Variants in FMO5 observed in about 807,000 individuals in gnomAD.
The protein encoded by FMO5 is flavin containing dimethylaniline monoxygenase 5, also known as flavin-containing monooxygenase 5.
In FMO5, 51 loss-of-function variants were observed where a neutral mutation model predicts 43.6. That is an observed-to-expected ratio of 1.17 (90% CI 0.93 to 1.48). FMO5 has a LOEUF of 1.48. Ranked by LOEUF, FMO5 falls within the 40% of genes most tolerant of loss-of-function variation. The probability of loss-of-function intolerance (pLI) is 0.00; values close to 1 mark genes in which losing one functional copy is unlikely to be tolerated. For synonymous variants in FMO5, 187 were observed against 216.5 expected, an observed-to-expected ratio of 0.86 and a Z score of 1.20; for missense variants, 644 against 643.0, an observed-to-expected ratio of 1.00 and a Z score of -0.02.
intron 7 of FMO5, 61 bp from the exon 8 acceptor site, chr1:147,190,310 A>G: frequency 9.6e-7 from 1 of 1,036,954 alleles, no homozygotes; most frequent in Non-Finnish European, 1.5e-6. Flanking sequence ...ATAATCCTAT[A>G]AACAATTACT....
chr1:147,187,659 G>C (rs1189776172), intron 8 of FMO5, among the ~76,000 whole-genome samples: 1 of 152,160 alleles, frequency 6.6e-6, no homozygotes, highest in Non-Finnish European at 1.5e-5. Context: ...TATTTGATGA[G>C]GGCAGTGGTG....
At chr1:147,204,690 A>C in intron 6 of FMO5, 3 of 1,561,982 alleles carry the variant, frequency 1.9e-6, no homozygotes, top group Non-Finnish European at 1.8e-6. Flanking sequence ...TTTTTGCAGC[A>C]GGATGCTGTA....
chr1:147,224,831 A>G lies in FMO5; in HGVS notation c.135+64T>C, dbSNP rs1663737209. On this transcript the variant is annotated intron_variant, in intron 2 of 8. Transcript: ENST00000254090. ...CGGCCACCTGACACTGTTAAGATAA[A>G]CTGTCGTATGCACCTAGTTGCAGGG... is the stretch of plus-strand genomic sequence containing the variant. 7.9e-6 allele frequency: 12 copies of G among 1,522,432 alleles called. 2 individuals carry two copies. In the South Asian group the frequency reaches 1.3e-4, roughly 17 times the overall value. The allele number at this position is 1,522,432 out of a possible 1,614,324, so 94.3% of individuals were successfully genotyped here. A position where few individuals can be genotyped will look rare whatever the true frequency, so the allele number is the denominator to read the frequency against.
intron 7 of FMO5, 32 bp from the exon 8 acceptor site, chr1:147,190,281 A>G (rs1656454866): frequency 2.3e-6 from 3 of 1,299,012 alleles, no homozygotes; most frequent in Non-Finnish European, 3.3e-6. Context: ...TTAACTGTAA[A>G]ATTACCTCAG....
At chr1:147,225,146 TA>T in intron 1 of FMO5, 80 bp from the exon 2 acceptor site, 1 of 1,561,502 alleles carries the variant, frequency 6.4e-7, no homozygotes, top group Non-Finnish European at 8.6e-7. Flanking sequence ...GGCATTCGAA[TA>T]AATTCTGTAC....
intron 7 of FMO5, among the ~76,000 whole-genome samples, chr1:147,195,528 C>T (rs1657837312): frequency 6.6e-6 from 1 of 152,012 alleles, no homozygotes; most frequent in African/African-American, 2.4e-5. Context: ...GGGTTAAGGC[C>T]AAGGGGAACT....
At position 147,213,355 on chromosome 1, in the gene FMO5, C is replaced by T. The variant is rs901100743; in HGVS notation, c.440G>A (p.Cys147Tyr). Residue 147 changes from cysteine to tyrosine, a missense_variant, in exon 4 of 9, where the codon TGC becomes TAC. Cys to Tyr is a radical substitution (Grantham distance 194). Coordinates refer to ENST00000254090, the MANE Select transcript of FMO5 (RefSeq NM_001461.4). ...EMNVFDGVMV[C>Y]TGHHTNAHLP... is the part of the protein sequence containing the mutation. ...ATGAGCATTGGTGTGATGGCCAGTG[C>T]AAACCATGACTCCATCAAAGACATT... 3.1e-6 allele frequency: 5 copies of T among 1,613,270 alleles called. No individual in the cohort carries two copies. The African/African-American group carries it at 5.3e-5, about 17-fold the overall frequency.
chr1:147,204,772 T>G (rs889102504), intron 6 of FMO5: 22 of 1,573,360 alleles, frequency 1.4e-5, no homozygotes, highest in Non-Finnish European at 1.8e-5. Context: ...GATAACCATT[T>G]TTTTCATTCC....
chr1:147,204,289 G>C (rs1311066670), intron 6 of FMO5: 1 of 977,848 alleles, frequency 1.0e-6, no homozygotes, highest in Non-Finnish European at 1.7e-6. Context: ...CAATACTGAA[G>C]AGGAAGTGAT....
Position 147,209,235 on chromosome 1 carries a change from C to T in FMO5, c.631-184G>A, listed in dbSNP as rs587643122. Among the ~76,000 whole-genome samples, 15 of 152,160 alleles carry T rather than the reference C, an allele frequency of 9.9e-5. No individual in the cohort carries two copies. The East Asian group carries it at 2.7e-3, about 28-fold the overall frequency. Reference sequence around the variant, plus strand: ...GAGATCGAGACCATCCTGGCTAACACAGTGAAACCCCGTCTCTACTGAAAA... The same window carrying T: ...GAGATCGAGACCATCCTGGCTAACATAGTGAAACCCCGTCTCTACTGAAAA... On this transcript the variant is annotated intron_variant, in intron 5 of 8. Coordinates refer to ENST00000254090, the MANE Select transcript of FMO5 (RefSeq NM_001461.4).
At chr1:147,203,190 G>T in intron 6 of FMO5, 2 of 662,996 alleles carry the variant, frequency 3.0e-6, no homozygotes, top group Non-Finnish European at 5.1e-6. Flanking sequence ...ACCTCTTAAT[G>T]TAAGGAGAAT....
Position 147,195,849 on chromosome 1 carries a change from T to G in FMO5, c.1183+5303A>C, listed in dbSNP as rs587754035. ...TACTCTAACCTAGTGGTTATCTCAT[T>G]CCTCTTTAAACATCACTGGTGATGG... On this transcript the variant is annotated intron_variant, in intron 7 of 8. Coordinates refer to ENST00000254090, the MANE Select transcript of FMO5 (RefSeq NM_001461.4). Among the ~76,000 whole-genome samples, 3 of 152,232 alleles carry G rather than the reference T, an allele frequency of 2.0e-5. No individual in the cohort carries two copies. In the East Asian group the frequency reaches 5.8e-4, roughly 29 times the overall value.
chr1:147,224,893 A>T lies in FMO5; in HGVS notation c.135+2T>A. On this transcript the variant is annotated splice_donor_variant, in intron 2 of 8. Coordinates refer to ENST00000254090, the MANE Select transcript of FMO5 (RefSeq NM_001461.4). LOFTEE classifies it high-confidence loss of function. ...TATTAAGGGACTAGGAGATGTATGT[A>T]CCTGGAACCTCCAGAGCCCTCCGAT... The T allele has an allele frequency of 6.2e-7, 1 of 1,613,896 alleles. No homozygotes were observed. Among genetic ancestry groups the T allele is most frequent in the Non-Finnish European group, 8.5e-7 (1 of 1,179,872 alleles).
At chr1:147,194,350 G>A (rs1389278666) in intron 7 of FMO5, among the ~76,000 whole-genome samples, 5 of 151,228 alleles carry the variant, frequency 3.3e-5, no homozygotes, top group East Asian at 1.9e-4. Context: ...TTTTGTTTTC[G>A]ATTTGCTTGG....
At chr1:147,202,211 A>G (rs1553921164) in intron 6 of FMO5, among the ~76,000 whole-genome samples, 8 of 152,114 alleles carry the variant, frequency 5.3e-5, no homozygotes, top group Non-Finnish European at 1.2e-4. Flanking sequence ...GGATACTGGA[A>G]ACATTGGGTT....
In FMO5 at chr1:147,190,246, A is replaced by C; in HGVS notation, c.1187T>G (p.Leu396Arg). 6.2e-7 allele frequency: 1 copy of C among 1,600,818 alleles called. No individual in the cohort carries two copies. Among genetic ancestry groups the C allele is most frequent in the Middle Eastern group, 1.7e-4 (1 of 6,022 alleles). The change falls in exon 8 of 9, where the codon CTA becomes CGA. Residue 396 changes from leucine (L) to arginine (R), a missense_variant. By Grantham distance (102) the Leu-to-Arg change is moderately radical. Coordinates refer to ENST00000254090, the MANE Select transcript of FMO5 (RefSeq NM_001461.4). The stretch of plus-strand genomic sequence containing the variant: ...TTCACTCTGTGAGGGCAATGTCTTT[A>C]GACCTAAAAACAAAAATTAACATTT... ...GRWATQVFKG[L>R]KTLPSQSEMM...
intron 2 of FMO5, among the ~76,000 whole-genome samples, chr1:147,223,380 T>C (rs1663406440): frequency 1.3e-5 from 2 of 152,250 alleles, no homozygotes; most frequent in African/African-American, 4.8e-5. Flanking sequence ...TGCAAAAGGA[T>C]TGTATTTCGG....
chr1:147,185,019 A>C (rs988082536), downstream of FMO5, among the ~76,000 whole-genome samples: 101 of 152,242 alleles, frequency 6.6e-4, no homozygotes, highest in Admixed American at 2.0e-3. Context: ...AATTAGGAAA[A>C]TGATAGAACA....
Position 147,204,424 on chromosome 1 carries a change from C to T in FMO5, c.831-2920G>A. The T allele has an allele frequency of 5.1e-6, 6 of 1,179,250 alleles. No homozygotes were observed. The South Asian group carries it at 7.3e-5, about 14-fold the overall frequency. 73.0% of individuals were successfully genotyped at this position (1,179,250 alleles called of 1,614,324 possible). On this transcript the variant is annotated intron_variant, in intron 6 of 8. Transcript: ENST00000254090. The stretch of plus-strand genomic sequence containing the variant: ...AAATACTTCATTACCATATTGTTTA[C>T]ACATTACAGAGGTACGAAGTAGAGA...
Sources: gnomAD v4.1 joint callset for allele counts (sites outside exome capture counted in the v4.1 genomes callset) on GRCh38, gnomAD v4.1.1 for gene constraint, MANE v1.5 for transcripts, NCBI Gene and HGNC (gene_info 2026-07-23, HGNC 2026-07-21) for gene names.